THOC5: variants seen among roughly 807,000 people sequenced by gnomAD.
The protein encoded by THOC5 is THO complex subunit 5.
A neutral mutation model predicts 92.9 loss-of-function variants in THOC5; 43 were observed. That is an observed-to-expected ratio of 0.46 (90% CI 0.36 to 0.60). The LOEUF is 0.60. Ranked by LOEUF, THOC5 falls within the 20% of genes least tolerant of loss-of-function variation. THOC5 has a pLI of 0.00. For missense variants in THOC5, 659 were observed against 849.4 expected (o/e 0.78, Z 2.79); for synonymous variants, 296 against 320.1 (o/e 0.92, Z 0.80).
intron 1 of THOC5, among the ~76,000 whole-genome samples, chr22:29,552,651 G>A (rs1269774986): frequency 3.4e-5 from 5 of 149,250 alleles, no homozygotes; most frequent in Admixed American, 1.3e-4. Flanking sequence ...CCGCCACCCC[G>A]TCCGGGAGGT....
intron 7 of THOC5, among the ~76,000 whole-genome samples, chr22:29,533,987 G>T (rs1187880541): frequency 6.6e-6 from 1 of 152,082 alleles, no homozygotes; most frequent in African/African-American, 2.4e-5. Context: ...TCATTCCTGG[G>T]TATATATTCA....
chr22:29,521,065 A>T lies in THOC5; in HGVS notation c.1210T>A (p.Leu404Met). The T allele has an allele frequency of 6.2e-7, 1 of 1,614,178 alleles. No individual in the cohort carries two copies. The highest frequency in any genetic ancestry group is 1.3e-5 in the African/African-American group (1 of 75,056). Reference protein sequence around the residue: ...LLSPDSVLSCLYPGDHGKKTP... With the variant: ...LLSPDSVLSCMYPGDHGKKTP... ...TTCTTTCCATGATCCCCAGGATACA[A>T]GCAACTCAGGACTGAGTCAGGAGAC... The change falls in exon 13 of 20, where the codon TTG becomes ATG. Residue 404 changes from leucine (L) to methionine (M), a missense_variant. Leu to Met is a conservative substitution (Grantham distance 15). Transcript: ENST00000490103.
At chr22:29,508,573 A>G in intron 19 of THOC5, 53 bp from the exon 20 acceptor site, 3 of 1,490,434 alleles carry the variant, frequency 2.0e-6, no homozygotes, top group Non-Finnish European at 2.8e-6. Flanking sequence ...AGGCTGATAA[A>G]ATAAATTATG....
intron 3 of THOC5, 73 bp from the exon 4 acceptor site, chr22:29,543,615 AC>A: frequency 1.7e-6 from 2 of 1,166,226 alleles, no homozygotes; most frequent in Non-Finnish European, 2.5e-6. Flanking sequence ...TTCACCACTG[AC>A]CCATCCTCAT....
chr22:29,543,013 AG>A, intron 4 of THOC5, 57 bp from the exon 5 acceptor site: 1 of 1,294,762 alleles, frequency 7.7e-7, no homozygotes. Flanking sequence ...AGCAGAGGAG[AG>A]GGTCAGCAAA....
chr22:29,510,598 C>T (rs1222521873), intron 19 of THOC5, among the ~76,000 whole-genome samples: 2 of 152,012 alleles, frequency 1.3e-5, no homozygotes, highest in African/African-American at 4.8e-5. Flanking sequence ...AGAGTAAGAC[C>T]GTGTCTCAAA....
At chr22:29,533,221 A>G (rs2063690542) in intron 7 of THOC5, among the ~76,000 whole-genome samples, 1 of 152,214 alleles carries the variant, frequency 6.6e-6, no homozygotes, top group African/African-American at 2.4e-5. Context: ...CAAAGGGCCA[A>G]GAATAACCAA....
intron 2 of THOC5, among the ~76,000 whole-genome samples, chr22:29,546,671 C>T (rs2064027267): frequency 6.6e-6 from 1 of 152,026 alleles, no homozygotes; most frequent in Non-Finnish European, 1.5e-5. Flanking sequence ...AACTTCTGAC[C>T]TCAAGTGATC....
intron 1 of THOC5, among the ~76,000 whole-genome samples, chr22:29,549,950 G>A (rs1459220101): frequency 1.3e-5 from 2 of 152,028 alleles, no homozygotes; most frequent in East Asian, 3.9e-4. Flanking sequence ...GCTACTTTGG[G>A]TACACTATTA....
chr22:29,518,891 G>A (rs1397397603), intron 15 of THOC5, 115 bp downstream of exon 15: 2 of 764,530 alleles, frequency 2.6e-6, no homozygotes, highest in African/African-American at 3.5e-5. Context: ...CGTAAAGCCA[G>A]GAATCCAGGT....
intron 8 of THOC5, 30 bp from the exon 9 acceptor site, chr22:29,529,269 A>G (rs769010746): frequency 1.3e-5 from 21 of 1,612,740 alleles, no homozygotes; most frequent in Non-Finnish European, 3.4e-6. Context: ...CTGTTAGGAA[A>G]GCTGCTGAGG....
chr22:29,512,760 C>G (rs2146434287), intron 17 of THOC5, among the ~76,000 whole-genome samples: 1 of 152,302 alleles, frequency 6.6e-6, no homozygotes, highest in African/African-American at 2.4e-5. Flanking sequence ...AGAAACTTCC[C>G]TACCATCAAA....
chr22:29,522,146 C>T (rs2063454067), intron 12 of THOC5, among the ~76,000 whole-genome samples: 2 of 150,490 alleles, frequency 1.3e-5, no homozygotes, highest in Admixed American at 1.3e-4. Flanking sequence ...GTCAGGAGAT[C>T]GAGACCATCC....
chr22:29,524,049 T>C (rs2063496110), intron 12 of THOC5, among the ~76,000 whole-genome samples: 1 of 152,214 alleles, frequency 6.6e-6, no homozygotes, highest in East Asian at 1.9e-4. Flanking sequence ...TCTCTATTTG[T>C]AAAAGGAGGA....
rs2063145534 is a variant in THOC5, at chr22:29,506,869, TTTA to T, written c.*1585_*1587del. On this transcript the variant is annotated 3_prime_UTR_variant, in exon 20 of 20. Transcript: ENST00000490103. ...GGTCTATTATATGCAGATTTCTTTT[TTTA>T]AAATTTTTTAGAGATAGGGACTCGC... 2 of 151,724 alleles carry T rather than the reference TTTA, an allele frequency of 1.3e-5. No individual in the cohort carries two copies. The highest frequency in any genetic ancestry group is 4.9e-5 in the African/African-American group (2 of 41,088). The allele number at this position is 151,724 out of a possible 1,614,324, so 9.4% of individuals were successfully genotyped here.
At chr22:29,529,081 C>G in intron 9 of THOC5, 81 bp downstream of exon 9, 1 of 1,350,300 alleles carries the variant, frequency 7.4e-7, no homozygotes, top group Non-Finnish European at 1.1e-6. Flanking sequence ...AGAACTAGTC[C>G]AGCTAGTTCT....
At chr22:29,523,336 G>GC (rs1267315402) in intron 12 of THOC5, among the ~76,000 whole-genome samples, 5 of 151,916 alleles carry the variant, frequency 3.3e-5, no homozygotes, top group African/African-American at 1.2e-4. Context: ...ATGGATCTAG[G>GC]CAACAGTTGT....
chr22:29,519,800 T>G (rs892963457), intron 14 of THOC5, among the ~76,000 whole-genome samples: 3 of 151,974 alleles, frequency 2.0e-5, no homozygotes, highest in Non-Finnish European at 2.9e-5. Flanking sequence ...ACCCAGCTAA[T>G]TTTTTGTATT....
At chr22:29,519,826 G>T (rs1168642033) in intron 14 of THOC5, among the ~76,000 whole-genome samples, 182 bp downstream of exon 14, 1 of 151,932 alleles carries the variant, frequency 6.6e-6, no homozygotes. Context: ...TAGAGATGGG[G>T]TTTCATCATG....
Sources: allele counts gnomAD v4.1 joint callset (sites outside exome capture counted in the v4.1 genomes callset), GRCh38; gene constraint gnomAD v4.1.1; transcripts MANE v1.5; gene names NCBI Gene and HGNC (gene_info 2026-07-23, HGNC 2026-07-21).